Variants in CREB5 observed in about 807,000 individuals in gnomAD.
CREB5 encodes the protein cyclic AMP-responsive element-binding protein 5.
CREB5 carries 19 observed loss-of-function variants against 57.1 expected under a neutral mutation model. The observed-to-expected ratio is 0.33, with a 90% CI of 0.23 to 0.49. CREB5 has a LOEUF of 0.49. Ranked by LOEUF, CREB5 falls within the 20% of genes least tolerant of loss-of-function variation. The pLI is 0.99. For synonymous variants in CREB5, 238 were observed against 238.3 expected (o/e 1.00, Z 0.01); for missense variants, 579 against 671.6 (o/e 0.86, Z 1.52).
At chr7:28,663,519 T>C (rs528019893) in intron 5 of CREB5, among the ~76,000 whole-genome samples, 2 of 152,248 alleles carry the variant, frequency 1.3e-5, no homozygotes, top group East Asian at 3.9e-4. Flanking sequence ...TGTCCCCTTT[T>C]GAGTGAAGGC....
At chr7:28,761,544 A>G (rs17157151) in intron 7 of CREB5, among the ~76,000 whole-genome samples, 2,638 of 152,294 alleles carry the variant, frequency 0.017, 74 homozygotes, top group Admixed American at 0.071. Flanking sequence ...ACATTTATCC[A>G]ATTAGATTTA....
At chr7:28,786,836 C>CA (rs1470225829) in intron 7 of CREB5, among the ~76,000 whole-genome samples, 2 of 152,186 alleles carry the variant, frequency 1.3e-5, no homozygotes, top group African/African-American at 4.8e-5. Context: ...CCCACCCCAC[C>CA]AGCCAAAGTC....
chr7:28,568,701 A>G (rs1272524958), intron 4 of CREB5, among the ~76,000 whole-genome samples: 1 of 152,196 alleles, frequency 6.6e-6, no homozygotes, highest in Non-Finnish European at 1.5e-5. Flanking sequence ...ACAACGACAC[A>G]GTAGGCTCAC....
intron 5 of CREB5, among the ~76,000 whole-genome samples, chr7:28,654,702 A>G (rs1206635617): frequency 6.6e-6 from 1 of 152,200 alleles, no homozygotes; most frequent in Admixed American, 6.5e-5. Flanking sequence ...CTAAAGAATT[A>G]TTGTATTTTA....
intron 4 of CREB5, among the ~76,000 whole-genome samples, chr7:28,516,263 T>A (rs529630169): frequency 1.3e-5 from 2 of 152,278 alleles, no homozygotes; most frequent in South Asian, 4.1e-4. Flanking sequence ...TGTTTGCCTT[T>A]TCTTTGTGGT....
intron 3 of CREB5, among the ~76,000 whole-genome samples, chr7:28,495,663 C>T (rs933463092): frequency 2.0e-5 from 3 of 152,140 alleles, no homozygotes; most frequent in African/African-American, 4.8e-5. Context: ...TTCCTGTCCT[C>T]AAGGATATCA....
intron 1 of CREB5, among the ~76,000 whole-genome samples, chr7:28,367,327 T>G (rs1219285610): frequency 2.0e-5 from 3 of 152,210 alleles, no homozygotes; most frequent in African/African-American, 7.2e-5. Context: ...CATCCCACAC[T>G]GCTCATGTCT....
At chr7:28,686,002 C>G (rs1441515851) in intron 5 of CREB5, 2 of 767,480 alleles carry the variant, frequency 2.6e-6, no homozygotes, top group East Asian at 2.7e-5. Context: ...GAGCGAGAGC[C>G]CAGCCGGAGG....
chr7:28,605,028 T>G lies in CREB5; in HGVS notation c.464+34491T>G, dbSNP rs76175460. Among the ~76,000 whole-genome samples, 2,242 of 152,012 alleles carry G rather than the reference T, an allele frequency of 0.015. 85 individuals are homozygous for G. The East Asian group carries it at 0.16, about 11-fold the overall frequency. On this transcript the variant is annotated intron_variant, in intron 5 of 10. Transcript: ENST00000357727. ...ATAAGGGCGTAGGATACAGAAAAATTTATGCCCTTTCTCATTAAAAAAAAG... is the reference window on the plus strand; with the variant it reads ...ATAAGGGCGTAGGATACAGAAAAATGTATGCCCTTTCTCATTAAAAAAAAG...
At chr7:28,439,049 G>A (rs73073997) in intron 1 of CREB5, among the ~76,000 whole-genome samples, 8,758 of 152,238 alleles carry the variant, frequency 0.058, 327 homozygotes, top group South Asian at 0.077. Flanking sequence ...CTTGACCACA[G>A]ACAGATCTAC....
chr7:28,427,996 A>T (rs1450477206), intron 1 of CREB5, among the ~76,000 whole-genome samples: 1 of 152,222 alleles, frequency 6.6e-6, no homozygotes, highest in African/African-American at 2.4e-5. Context: ...AAAGAAAGAT[A>T]AAGCCAGGGA....
At chr7:28,582,417 T>C (rs1796153956) in intron 5 of CREB5, among the ~76,000 whole-genome samples, 1 of 152,112 alleles carries the variant, frequency 6.6e-6, no homozygotes, top group African/African-American at 2.4e-5. Context: ...TTTGTATCAG[T>C]TCTTAATGAG....
intron 1 of CREB5, among the ~76,000 whole-genome samples, chr7:28,342,527 A>G (rs17156603): frequency 0.16 from 24,130 of 152,276 alleles, 2,222 homozygotes; most frequent in East Asian, 0.35. Flanking sequence ...TGCAATGTTC[A>G]TTATAATACA....
At chr7:28,487,870 A>G (rs1376981283) in intron 1 of CREB5, among the ~76,000 whole-genome samples, 1 of 152,188 alleles carries the variant, frequency 6.6e-6, no homozygotes, top group Admixed American at 6.5e-5. Flanking sequence ...CTTTCCTGGT[A>G]GTAACACCCA....
intron 7 of CREB5, among the ~76,000 whole-genome samples, chr7:28,780,647 G>A (rs1806919895): frequency 6.6e-6 from 1 of 152,094 alleles, no homozygotes. Flanking sequence ...ACTTGAACCT[G>A]GGAGGTGGAG....
intron 7 of CREB5, among the ~76,000 whole-genome samples, chr7:28,746,536 A>G (rs1360896382): frequency 6.6e-6 from 1 of 152,220 alleles, no homozygotes; most frequent in East Asian, 1.9e-4. Flanking sequence ...AGCTGTGAGA[A>G]GCACTGTTTT....
At chr7:28,699,154 CCTTCCTTT>C (rs1801720766) in intron 5 of CREB5, among the ~76,000 whole-genome samples, 1 of 151,764 alleles carries the variant, frequency 6.6e-6, no homozygotes, top group East Asian at 1.9e-4. Context: ...TTCCTTCCTT[CCTTCCTTT>C]CTTCCTTTCT....
chr7:28,460,913 G>C (rs72602052), intron 1 of CREB5, among the ~76,000 whole-genome samples: 3 of 145,976 alleles, frequency 2.1e-5, no homozygotes, highest in Admixed American at 6.8e-5. Context: ...TGGATCTTAT[G>C]GGGGGGCATA....
intron 1 of CREB5, among the ~76,000 whole-genome samples, chr7:28,448,298 T>C (rs1201575537): frequency 2.0e-5 from 3 of 152,232 alleles, no homozygotes; most frequent in African/African-American, 7.2e-5. Flanking sequence ...TCTAAGTTAA[T>C]ACTTAATAAA....
Sources: gnomAD v4.1 joint callset for allele counts (sites outside exome capture counted in the v4.1 genomes callset) on GRCh38, gnomAD v4.1.1 for gene constraint, MANE v1.5 for transcripts, NCBI Gene and HGNC (gene_info 2026-07-23, HGNC 2026-07-21) for gene names.